EPB41: variants seen among roughly 807,000 people sequenced by gnomAD.
EPB41 encodes protein 4.1.
In EPB41, 65 loss-of-function variants were observed where a neutral mutation model predicts 108.0. That is an observed-to-expected ratio of 0.60 (90% CI 0.49 to 0.74). EPB41 has a LOEUF of 0.74. Ranked by LOEUF, EPB41 falls within the 30% of genes least tolerant of loss-of-function variation. The pLI, the probability that EPB41 is intolerant of heterozygous loss-of-function variation, is 0.00. For synonymous variants in EPB41, 336 were observed against 358.9 expected (o/e 0.94, Z 0.72); for missense variants, 875 against 1,037.0 (o/e 0.84, Z 2.15).
intron 16 of EPB41, among the ~76,000 whole-genome samples, chr1:29,085,968 C>T (rs1375997656): frequency 6.6e-6 from 1 of 152,162 alleles, no homozygotes; most frequent in Admixed American, 6.5e-5. Flanking sequence ...TTTCCTCTAA[C>T]TACTTTTTTC....
chr1:29,025,060 C>G (rs149334055), intron 7 of EPB41, among the ~76,000 whole-genome samples: 1 of 152,030 alleles, frequency 6.6e-6, no homozygotes, highest in African/African-American at 2.4e-5. Context: ...AGAAGACAGC[C>G]TGCATAAATG....
At chr1:29,020,862 G>A (rs551091712) in intron 7 of EPB41, among the ~76,000 whole-genome samples, 2 of 152,218 alleles carry the variant, frequency 1.3e-5, no homozygotes, top group South Asian at 4.1e-4. Context: ...GTCTCACCAT[G>A]TTGTCCAGGC....
intron 16 of EPB41, among the ~76,000 whole-genome samples, chr1:29,092,330 G>T (rs1661557011): frequency 1.3e-5 from 2 of 151,908 alleles, no homozygotes; most frequent in Admixed American, 1.3e-4. Flanking sequence ...AACCTCAGGT[G>T]ATCCGCCCAC....
At chr1:29,106,185 G>C (rs1667090429) in intron 17 of EPB41, among the ~76,000 whole-genome samples, 2 of 152,070 alleles carry the variant, frequency 1.3e-5, no homozygotes, top group African/African-American at 4.8e-5. Flanking sequence ...ATGGGAACAG[G>C]GTAAGTAGGA....
chr1:29,045,693 C>G (rs955608191), intron 11 of EPB41, among the ~76,000 whole-genome samples: 1 of 150,168 alleles, frequency 6.7e-6, no homozygotes, highest in Non-Finnish European at 1.5e-5. Flanking sequence ...TGGTTTTTGG[C>G]TGGTTGCAGT....
At chr1:28,997,063 G>A in intron 3 of EPB41, 152 bp from the exon 4 acceptor site, 2 of 689,568 alleles carry the variant, frequency 2.9e-6, no homozygotes, top group Non-Finnish European at 5.3e-6. Context: ...GAGGTGGGAA[G>A]ATCACTTGAG....
At chr1:29,057,967 G>A (rs982271914) in intron 12 of EPB41, among the ~76,000 whole-genome samples, 2 of 152,168 alleles carry the variant, frequency 1.3e-5, no homozygotes, top group African/African-American at 4.8e-5. Context: ...GTAATTTCAT[G>A]TGTCAGTTAC....
intron 1 of EPB41, among the ~76,000 whole-genome samples, chr1:28,932,471 C>CT (rs529648503): frequency 1.4e-3 from 204 of 141,388 alleles, no homozygotes; most frequent in African/African-American, 3.1e-3. Context: ...GCTTTTTCTC[C>CT]TTTTTTTTTT....
intron 4 of EPB41, among the ~76,000 whole-genome samples, chr1:29,011,592 C>G (rs994994157): frequency 6.6e-6 from 1 of 152,114 alleles, no homozygotes; most frequent in Non-Finnish European, 1.5e-5. Flanking sequence ...GCACTACTAC[C>G]AATATCTCAT....
At chr1:28,931,084 C>T (rs1570814423) in intron 1 of EPB41, among the ~76,000 whole-genome samples, 2 of 151,472 alleles carry the variant, frequency 1.3e-5, no homozygotes, top group Admixed American at 6.6e-5. Flanking sequence ...ATGAGAAAAC[C>T]ACAAGTTACA....
intron 1 of EPB41, among the ~76,000 whole-genome samples, chr1:28,960,594 A>AT (rs1161976060): frequency 6.6e-6 from 1 of 151,564 alleles, no homozygotes; most frequent in East Asian, 1.9e-4. Context: ...TTAAAAAAAA[A>AT]ATCAGCTTAG....
chr1:28,941,294 C>T (rs901649993), intron 1 of EPB41, among the ~76,000 whole-genome samples: 6 of 151,696 alleles, frequency 4.0e-5, no homozygotes, highest in African/African-American at 1.2e-4. Context: ...ATGGGAAGAT[C>T]GCCTGAGACT....
intron 16 of EPB41, among the ~76,000 whole-genome samples, chr1:29,085,639 C>T (rs1255332406): frequency 6.6e-6 from 1 of 152,118 alleles, no homozygotes; most frequent in Non-Finnish European, 1.5e-5. Context: ...CAACCTCCAC[C>T]TGCCAGGCTC....
At chr1:28,969,050 C>T (rs2095431561) in intron 1 of EPB41, among the ~76,000 whole-genome samples, 1 of 142,930 alleles carries the variant, frequency 7.0e-6, no homozygotes, top group Non-Finnish European at 1.5e-5. Flanking sequence ...GTTCTATATT[C>T]TTATAGAATC....
chr1:29,006,338 G>A (rs984349084), intron 4 of EPB41, among the ~76,000 whole-genome samples: 4 of 149,090 alleles, frequency 2.7e-5, no homozygotes, highest in Admixed American at 6.8e-5. Flanking sequence ...CCGGGTTCAC[G>A]CCATTCTCCT....
chr1:29,010,810 T>A (rs1274183645), intron 4 of EPB41, among the ~76,000 whole-genome samples: 1 of 152,192 alleles, frequency 6.6e-6, no homozygotes, highest in Admixed American at 6.5e-5. Context: ...TACTGAATAC[T>A]GTGCTGATAT....
intron 1 of EPB41, among the ~76,000 whole-genome samples, chr1:28,921,685 G>A (rs572733369): frequency 4.7e-4 from 71 of 151,358 alleles, no homozygotes; most frequent in Admixed American, 2.6e-4. Flanking sequence ...ATGGTATTAC[G>A]TAATTATATA....
Position 29,065,090 on chromosome 1 carries a change from A to G in EPB41, c.2116A>G (p.Lys706Glu). 6.2e-7 allele frequency: 1 copy of G among 1,614,214 alleles called. No individual in the cohort carries two copies. The highest frequency in any genetic ancestry group is 8.5e-7 in the Non-Finnish European group (1 of 1,180,034). ...AGAACCACGGCCTAGTGAATGGGAT[A>G]AACGCTTATCCACTCACTCACCCTT... ...VPEPRPSEWD[K>E]RLSTHSPFRT... Residue 706 changes from lysine to glutamate, a missense_variant, in exon 16 of 21, where the codon AAA becomes GAA. By Grantham distance (56) the Lys-to-Glu change is moderately conservative. This residue lies in a region of EPB41 where 519 missense variants were observed against 627.3 expected (regional missense o/e 0.83). Coordinates refer to ENST00000343067, the MANE Select transcript of EPB41 (RefSeq NM_001376013.1).
intron 10 of EPB41, among the ~76,000 whole-genome samples, chr1:29,036,448 ACACGCTTT>A (rs1416101620): frequency 2.0e-5 from 3 of 151,714 alleles, no homozygotes; most frequent in African/African-American, 7.3e-5. Flanking sequence ...TTTAATAGAG[ACACGCTTT>A]CACTATGTTG....
Sources: gnomAD v4.1 joint callset for allele counts (sites outside exome capture counted in the v4.1 genomes callset) on GRCh38, gnomAD v4.1.1 for gene constraint, gnomAD v4.1.1 regional missense constraint, MANE v1.5 for transcripts, NCBI Gene and HGNC (gene_info 2026-07-23, HGNC 2026-07-21) for gene names.